The following PTPRG variants were observed in gnomAD, a reference collection of about 807,000 sequenced individuals.
The protein encoded by PTPRG is protein tyrosine phosphatase receptor type G, also known as receptor-type tyrosine-protein phosphatase gamma.
PTPRG carries 102 observed loss-of-function variants against 165.3 expected under a neutral mutation model. The ratio of observed to expected loss-of-function variants is 0.62; its 90% CI spans 0.53 to 0.73. PTPRG has a LOEUF of 0.73. Among genes scored for constraint, PTPRG ranks in the 30% least tolerant of loss-of-function variants. PTPRG has a pLI of 0.00. For missense variants in PTPRG, 1,866 were observed against 1,861.4 expected (o/e 1.00, Z -0.05); for synonymous variants, 675 against 669.5 (o/e 1.01, Z -0.13).
In PTPRG at chr3:61,705,231, C is replaced by T. The variant is rs535282548; in HGVS notation, c.86-43647C>T. On this transcript the variant is annotated intron_variant, in intron 1 of 29. Transcript: ENST00000474889. The stretch of plus-strand genomic sequence containing the variant: ...GAAATTAAGTTAGTGAAGATGCCTG[C>T]GCTGGGTGTGAGGAACAAGTGGAAA... Among the ~76,000 whole-genome samples, 5 of 152,240 alleles carry T rather than the reference C, an allele frequency of 3.3e-5. No individual in the cohort carries two copies. The South Asian group carries it at 1.0e-3, about 32-fold the overall frequency.
intron 2 of PTPRG, among the ~76,000 whole-genome samples, chr3:61,805,623 A>G (rs902999236): frequency 6.6e-6 from 1 of 151,872 alleles, no homozygotes. Flanking sequence ...GGGTTAGGGT[A>G]ATTACCACAA....
rs368707041 is a variant in PTPRG at position 62,243,307 on chromosome 3, AC to A, written c.2376-496del. ...GTGCTTGCCTTCCTGAAGCCCTCTGACCCCTTTAAAGAGCTGTCTGAGGCTT... is the reference window on the plus strand; with the variant it reads ...GTGCTTGCCTTCCTGAAGCCCTCTGACCCTTTAAAGAGCTGTCTGAGGCTT... On this transcript the variant is annotated intron_variant, in intron 14 of 29. Coordinates refer to ENST00000474889, the MANE Select transcript of PTPRG (RefSeq NM_002841.4). 1.6e-3 allele frequency among the ~76,000 whole-genome samples: 248 copies of A among 152,076 alleles called. 8 individuals carry two copies. In the South Asian group the frequency reaches 0.048, roughly 29 times the overall value.
Position 61,561,735 on chromosome 3 carries a change from T to A in PTPRG, c.-553T>A, listed in dbSNP as rs1350777526. ...TTTTCCTCCGTTTCCTCCGGCCGTT[T>A]CTATTTTGGGGGGCTCTCCGCTCCC... On this transcript the variant is annotated 5_prime_UTR_variant, in exon 1 of 30. Transcript: ENST00000474889. 1 of 152,124 alleles carries A rather than the reference T, an allele frequency of 6.6e-6. No individual in the cohort carries two copies. Among genetic ancestry groups the A allele is most frequent in the Non-Finnish European group, 1.5e-5 (1 of 68,334 alleles). 9.4% of individuals were successfully genotyped at this position (152,124 alleles called of 1,614,324 possible). A position where few individuals can be genotyped will look rare whatever the true frequency, so the allele number is the denominator to read the frequency against.
At chr3:62,064,498 C>G (rs965553452) in intron 4 of PTPRG, among the ~76,000 whole-genome samples, 2 of 112,852 alleles carry the variant, frequency 1.8e-5, no homozygotes, top group Non-Finnish European at 4.1e-5. Context: ...TAATTTCTTC[C>G]TTCCCCTCCG....
At chr3:61,849,489 A>C (rs915418169) in intron 2 of PTPRG, among the ~76,000 whole-genome samples, 2 of 152,224 alleles carry the variant, frequency 1.3e-5, no homozygotes, top group African/African-American at 4.8e-5. Context: ...ATTTGAAATA[A>C]AACAGAGTCT....
chr3:61,594,870 G>A (rs1575525656), intron 1 of PTPRG, among the ~76,000 whole-genome samples: 1 of 152,272 alleles, frequency 6.6e-6, no homozygotes, highest in East Asian at 1.9e-4. Context: ...GAAGAAACAC[G>A]ATGTTACAAT....
intron 2 of PTPRG, among the ~76,000 whole-genome samples, chr3:61,922,696 A>C (rs1350521249): frequency 3.9e-5 from 6 of 152,164 alleles, no homozygotes; most frequent in Admixed American, 3.9e-4. Context: ...GCCGGAGTAC[A>C]TTGGTGTGAT....
intron 2 of PTPRG, among the ~76,000 whole-genome samples, chr3:61,969,692 C>G (rs1249997159): frequency 6.6e-6 from 1 of 152,036 alleles, no homozygotes; most frequent in African/African-American, 2.4e-5. Flanking sequence ...GTGCATGGAC[C>G]CTGGTGTGCA....
intron 14 of PTPRG, among the ~76,000 whole-genome samples, 165 bp downstream of exon 14, chr3:62,231,476 A>G (rs1700900427): frequency 6.6e-6 from 1 of 152,152 alleles, no homozygotes; most frequent in Non-Finnish European, 1.5e-5. Flanking sequence ...ATATCAATTC[A>G]GCTTGTGGGT....
chr3:61,975,124 A>C (rs749536301), intron 2 of PTPRG, among the ~76,000 whole-genome samples: 11 of 152,194 alleles, frequency 7.2e-5, no homozygotes, highest in Non-Finnish European at 8.8e-5. Flanking sequence ...GGAGCAAATA[A>C]GGTAATCTGT....
intron 4 of PTPRG, among the ~76,000 whole-genome samples, chr3:62,007,221 T>C (rs988826357): frequency 6.6e-6 from 1 of 152,226 alleles, no homozygotes; most frequent in African/African-American, 2.4e-5. Flanking sequence ...TTTTGTTGCT[T>C]CCCAGGAATT....
intron 2 of PTPRG, among the ~76,000 whole-genome samples, chr3:61,927,173 C>G (rs896620897): frequency 2.0e-5 from 3 of 152,170 alleles, no homozygotes; most frequent in Non-Finnish European, 4.4e-5. Context: ...CATCGGTAGG[C>G]ACATTAGCTT....
intron 2 of PTPRG, among the ~76,000 whole-genome samples, chr3:61,772,276 T>C (rs1446550575): frequency 6.6e-6 from 1 of 152,046 alleles, no homozygotes; most frequent in Non-Finnish European, 1.5e-5. Flanking sequence ...AGCACTCGTT[T>C]AGTGTTGAAT....
In PTPRG at chr3:61,945,560, C is replaced by CAAA. The variant is rs71123242; in HGVS notation, c.191-44038_191-44036dup. On this transcript the variant is annotated intron_variant, in intron 2 of 29. Transcript: ENST00000474889. ...GGCAATAGGAATGAAACTCCGTCAC[C>CAAA]AAAAAAAAAAAAAAAAAAAAAAAAA... Among the ~76,000 whole-genome samples the CAAA allele has an allele frequency of 3.2e-3, 179 of 55,442 alleles. 5 individuals carry two copies. Among genetic ancestry groups the CAAA allele is most frequent in the Middle Eastern group, 0.016 (1 of 64 alleles). 36.4% of individuals were successfully genotyped at this position (55,442 alleles called of 152,430 possible).
chr3:62,064,118 A>G (rs1700916539), intron 4 of PTPRG, among the ~76,000 whole-genome samples: 1 of 133,578 alleles, frequency 7.5e-6, no homozygotes, highest in Non-Finnish European at 1.8e-5. Flanking sequence ...TTTTCTGCTC[A>G]TTTCAAGGGA....
chr3:61,851,833 G>C (rs987619448), intron 2 of PTPRG, among the ~76,000 whole-genome samples: 1 of 152,066 alleles, frequency 6.6e-6, no homozygotes, highest in African/African-American at 2.4e-5. Context: ...TAATTGTGGA[G>C]GTGAAAAATC....
At chr3:62,059,520 A>G (rs1700736195) in intron 4 of PTPRG, among the ~76,000 whole-genome samples, 2 of 152,202 alleles carry the variant, frequency 1.3e-5, no homozygotes, top group South Asian at 4.2e-4. Flanking sequence ...GTTTAGAATG[A>G]GCTTAAAAAC....
chr3:61,938,667 T>A (rs1476741632), intron 2 of PTPRG, among the ~76,000 whole-genome samples: 1 of 152,240 alleles, frequency 6.6e-6, no homozygotes, highest in African/African-American at 2.4e-5. Flanking sequence ...GTGCGGTCAG[T>A]TGAAATATTT....
intron 6 of PTPRG, among the ~76,000 whole-genome samples, chr3:62,148,067 AC>A (rs1203943676): frequency 6.6e-6 from 1 of 152,002 alleles, no homozygotes; most frequent in Non-Finnish European, 1.5e-5. Context: ...AATCACTTCA[AC>A]CCGGGAGGTG....
Sources: allele counts gnomAD v4.1 joint callset (sites outside exome capture counted in the v4.1 genomes callset), GRCh38; gene constraint gnomAD v4.1.1; transcripts MANE v1.5; gene names NCBI Gene and HGNC (gene_info 2026-07-23, HGNC 2026-07-21).